The following TRAPPC9 variants were observed in gnomAD, a reference collection of about 807,000 sequenced individuals.
TRAPPC9 encodes the protein trafficking protein particle complex subunit 9.
In TRAPPC9, 83 loss-of-function variants were observed where a neutral mutation model predicts 124.0. The ratio of observed to expected loss-of-function variants is 0.67; its 90% CI spans 0.56 to 0.80. The LOEUF is 0.80. Among genes scored for constraint, TRAPPC9 ranks in the 30% least tolerant of loss-of-function variants. TRAPPC9 has a pLI of 0.00. For missense variants in TRAPPC9, 1,302 were observed against 1,508.3 expected (o/e 0.86, Z 2.27); for synonymous variants, 638 against 617.5 (o/e 1.03, Z -0.49).
chr8:140,195,463 G>A (rs1237780409), intron 17 of TRAPPC9, among the ~76,000 whole-genome samples: 1 of 151,412 alleles, frequency 6.6e-6, no homozygotes, highest in African/African-American at 2.4e-5. Flanking sequence ...GCTCGCACCT[G>A]TGACACTAAA....
rs2063858629 is a variant in TRAPPC9 at position 140,241,651 on chromosome 8, T to C, written c.2431+11126A>G. On this transcript the variant is annotated intron_variant, in intron 16 of 22. Coordinates refer to ENST00000438773, the MANE Select transcript of TRAPPC9 (RefSeq NM_001160372.4). This position sits in a 1 kb window ranked among gnomAD's most constrained non-coding sequence, Gnocchi z 5.0. ...CAGAGGTTGCAGTGAGCTGAGATAG[T>C]GCTACTGCACTCCAGCCTGGCAACA... 6.6e-6 allele frequency among the ~76,000 whole-genome samples: 1 copy of C among 150,824 alleles called. No individual in the cohort carries two copies. The highest frequency in any genetic ancestry group is 6.6e-5 in the Admixed American group (1 of 15,166).
intron 21 of TRAPPC9, among the ~76,000 whole-genome samples, chr8:139,834,665 T>C (rs775673761): frequency 3.9e-5 from 6 of 152,218 alleles, no homozygotes; most frequent in Non-Finnish European, 8.8e-5. Context: ...ATCCATGGTC[T>C]ACCAGGAGTA....
intron 8 of TRAPPC9, among the ~76,000 whole-genome samples, chr8:140,369,045 G>T (rs1267742745): frequency 6.6e-6 from 1 of 152,138 alleles, no homozygotes; most frequent in Non-Finnish European, 1.5e-5. Flanking sequence ...CAACAGCAGG[G>T]TCCAGTCATT....
At chr8:140,027,409 C>G (rs887683880) in intron 17 of TRAPPC9, among the ~76,000 whole-genome samples, 3 of 152,118 alleles carry the variant, frequency 2.0e-5, no homozygotes, top group African/African-American at 7.2e-5. Flanking sequence ...ACACTGGCTT[C>G]TTGTTTGTTT....
chr8:139,953,069 G>A (rs1012558157), intron 19 of TRAPPC9, among the ~76,000 whole-genome samples: 4 of 152,228 alleles, frequency 2.6e-5, no homozygotes, highest in African/African-American at 9.6e-5. Flanking sequence ...CCTGGATTCA[G>A]AGGCAGAGGA....
At chr8:139,781,578 T>G (rs1821819188) in intron 21 of TRAPPC9, among the ~76,000 whole-genome samples, 1 of 152,236 alleles carries the variant, frequency 6.6e-6, no homozygotes, top group Non-Finnish European at 1.5e-5. Context: ...TTCAAACGCA[T>G]AGAATGTACA....
chr8:140,294,589 A>C (rs1303152049), intron 11 of TRAPPC9, among the ~76,000 whole-genome samples: 2 of 152,126 alleles, frequency 1.3e-5, no homozygotes, highest in Non-Finnish European at 2.9e-5. Context: ...ACTGTTGATT[A>C]CATAAAAATT....
At position 139,731,144 on chromosome 8, in the gene TRAPPC9, C is replaced by T. The variant is rs767963216; in HGVS notation, c.3364G>A (p.Glu1122Lys). ...GGCAGCTCCTTGCTGGTGCTGTCCT[C>T]GTGGAACCGGATGTGGAGGAAGAAG... ...GDFFLHIRFH[E>K]DSTSKELPPS... The change falls in exon 23 of 23, where the codon GAG becomes AAG. Residue 1122 changes from glutamate (E) to lysine (K), a missense_variant. Physicochemically the swap from Glu to Lys is moderately conservative, Grantham distance 56. Coordinates refer to ENST00000438773, the MANE Select transcript of TRAPPC9 (RefSeq NM_001160372.4). 2.3e-5 allele frequency: 37 copies of T among 1,613,840 alleles called. No individual in the cohort carries two copies. Among genetic ancestry groups the T allele is most frequent in the Middle Eastern group, 1.6e-4 (1 of 6,068 alleles).
intron 2 of TRAPPC9, among the ~76,000 whole-genome samples, chr8:140,444,065 A>G (rs1215600477): frequency 3.9e-5 from 5 of 127,240 alleles, no homozygotes; most frequent in African/African-American, 1.2e-4. Flanking sequence ...AAAAAAGATT[A>G]GCCGGGCATG....
intron 11 of TRAPPC9, 98 bp from the exon 12 acceptor site, chr8:140,291,176 A>C: frequency 1.7e-5 from 19 of 1,089,436 alleles, no homozygotes; most frequent in Non-Finnish European, 2.1e-5. Flanking sequence ...TTACATTCTC[A>C]GTGAGGCAGC....
intron 6 of TRAPPC9, 39 bp from the exon 7 acceptor site, chr8:140,397,784 T>G: frequency 6.2e-7 from 1 of 1,611,880 alleles, no homozygotes; most frequent in Non-Finnish European, 8.5e-7. Flanking sequence ...CAAAAAAGAG[T>G]TCAGATGTTT....
chr8:139,737,929 G>T (rs898663), intron 21 of TRAPPC9, among the ~76,000 whole-genome samples: 116,751 of 152,018 alleles, frequency 0.77, 46,321 homozygotes, highest in East Asian at 0.89. Context: ...CATTTCGACA[G>T]CTTCTCCAGG....
At chr8:139,767,816 A>T (rs1820683326) in intron 21 of TRAPPC9, among the ~76,000 whole-genome samples, 1 of 152,238 alleles carries the variant, frequency 6.6e-6, no homozygotes, top group Admixed American at 6.5e-5. Context: ...GGCCTAGTAG[A>T]CTGGCATAGA....
At chr8:140,291,106 C>T (rs772550433) in intron 11 of TRAPPC9, 28 bp from the exon 12 acceptor site, 2 of 1,588,974 alleles carry the variant, frequency 1.3e-6, no homozygotes, top group Non-Finnish European at 1.7e-6. Context: ...ATAAATGAAT[C>T]CATGTATTAG....
rs752040819 is a variant in TRAPPC9 at position 139,910,191 on chromosome 8, G to C, written c.2920C>G (p.Arg974Gly). Residue 974 changes from arginine (R) to glycine (G), a missense_variant, in exon 20 of 23, where the codon CGA becomes GGA. Physicochemically the swap from Arg to Gly is moderately radical, Grantham distance 125. This residue lies in a region of TRAPPC9 where 640 missense variants were observed against 679.3 expected (regional missense o/e 0.94). Transcript: ENST00000438773. ...KQLEEERREA[R>G]GLEIHSKLGI... ...AGCTTGCTGTGGATCTCCAGGCCTCGGGCTTCCCGCCGCTCTTCCTCCAGC... is the reference window on the plus strand; with the variant it reads ...AGCTTGCTGTGGATCTCCAGGCCTCCGGCTTCCCGCCGCTCTTCCTCCAGC... 5.6e-6 allele frequency: 9 copies of C among 1,613,542 alleles called. 1 individual carries two copies. The Middle Eastern group carries it at 8.2e-4, about 147-fold the overall frequency.
intron 21 of TRAPPC9, among the ~76,000 whole-genome samples, chr8:139,869,226 A>G (rs1828738210): frequency 1.3e-5 from 2 of 152,232 alleles, no homozygotes. Flanking sequence ...TGATTCTCAA[A>G]GGTTTAAATT....
chr8:140,078,524 G>A (rs1843637925), intron 17 of TRAPPC9, among the ~76,000 whole-genome samples: 1 of 152,174 alleles, frequency 6.6e-6, no homozygotes, highest in Admixed American at 6.5e-5. Context: ...GATGGGGCAG[G>A]GATGAATGGA....
chr8:140,250,650 T>A (rs2064111620), intron 16 of TRAPPC9, among the ~76,000 whole-genome samples: 1 of 152,100 alleles, frequency 6.6e-6, no homozygotes, highest in Non-Finnish European at 1.5e-5. Flanking sequence ...CGTGCCTACC[T>A]TTTCCTCCAT....
chr8:139,824,205 G>A (rs1198741106), intron 21 of TRAPPC9, among the ~76,000 whole-genome samples: 1 of 152,236 alleles, frequency 6.6e-6, no homozygotes, highest in East Asian at 1.9e-4. Flanking sequence ...CTTGGAACTA[G>A]CCCTGAGCGG....
Sources: allele counts gnomAD v4.1 joint callset (sites outside exome capture counted in the v4.1 genomes callset), GRCh38; gene constraint gnomAD v4.1.1; regional missense constraint gnomAD v4.1.1; non-coding constraint Gnocchi (gnomAD v3.1); transcripts MANE v1.5; gene names NCBI Gene and HGNC (gene_info 2026-07-23, HGNC 2026-07-21).